COL27A1: variants seen among roughly 807,000 people sequenced by gnomAD.
COL27A1 encodes the protein collagen type XXVII alpha 1 chain, also known as collagen alpha-1(XXVII) chain.
A neutral mutation model predicts 251.3 loss-of-function variants in COL27A1; 106 were observed. That is an observed-to-expected ratio of 0.42 (90% CI 0.36 to 0.50). The LOEUF (loss-of-function observed/expected upper bound fraction) is 0.50, where lower values mean the gene tolerates loss of function less well. COL27A1 is among the 20% of genes least tolerant of loss of function. The pLI, the probability that COL27A1 is intolerant of heterozygous loss-of-function variation, is 0.00. For synonymous variants in COL27A1, 1,000 were observed against 986.3 expected, an observed-to-expected ratio of 1.01 and a Z score of -0.26; for missense variants, 2,325 against 2,522.8, an observed-to-expected ratio of 0.92 and a Z score of 1.68.
intron 16 of COL27A1, among the ~76,000 whole-genome samples, chr9:114,234,096 C>T (rs1317185765): frequency 6.6e-6 from 1 of 152,076 alleles, no homozygotes; most frequent in African/African-American, 2.4e-5. Flanking sequence ...AAAGCTCCTG[C>T]TCCGAGCCCA....
At chr9:114,252,490 C>T in intron 25 of COL27A1, 103 bp from the exon 26 acceptor site, 1 of 959,780 alleles carries the variant, frequency 1.0e-6, no homozygotes, top group Non-Finnish European at 1.7e-6. Context: ...TGAGCAAACC[C>T]CTACCTCTCT....
intron 49 of COL27A1, among the ~76,000 whole-genome samples, chr9:114,295,649 T>C (rs967871977): frequency 6.7e-6 from 1 of 149,916 alleles, no homozygotes; most frequent in Non-Finnish European, 1.5e-5. Flanking sequence ...GGACAACTGG[T>C]TTTTTTTTGT....
intron 37 of COL27A1, among the ~76,000 whole-genome samples, chr9:114,279,466 G>T (rs1026238978): frequency 6.6e-6 from 1 of 151,866 alleles, no homozygotes; most frequent in South Asian, 2.1e-4. Flanking sequence ...CGATAGAAAT[G>T]AAATACAAGC....
intron 52 of COL27A1, 30 bp downstream of exon 52, chr9:114,301,155 C>T (rs745427186): frequency 1.2e-5 from 19 of 1,612,946 alleles, no homozygotes; most frequent in East Asian, 8.9e-5. Context: ...AGGAAGACTC[C>T]GGGGTCCCCT....
intron 3 of COL27A1, among the ~76,000 whole-genome samples, chr9:114,171,442 A>G (rs185120509): frequency 2.5e-4 from 38 of 151,710 alleles, no homozygotes; most frequent in African/African-American, 8.0e-4. Flanking sequence ...CCTCAAAGGA[A>G]GGGCTCAACA....
chr9:114,309,219 G>A (rs1829278944), intron 59 of COL27A1, 41 bp from the exon 60 acceptor site: 1 of 1,574,834 alleles, frequency 6.3e-7, no homozygotes. Context: ...GGGGGGTGTG[G>A]GGGGCAGCCT....
Position 114,275,788 on chromosome 9 carries a change from G to T in COL27A1, c.3717+20G>T. On this transcript the variant is annotated intron_variant, in intron 37 of 60. Coordinates refer to ENST00000356083, the MANE Select transcript of COL27A1 (RefSeq NM_032888.4). ...GTCCGGGTGAGTGTGCAGGCCCCTT[G>T]CAGCGCCTGGAGCTCTGGGGTACCC... 6.7e-7 allele frequency: 1 copy of T among 1,488,984 alleles called. No individual in the cohort carries two copies. The highest frequency in any genetic ancestry group is 1.2e-5 in the South Asian group (1 of 81,990). The allele number at this position is 1,488,984 out of a possible 1,614,324, so 92.2% of individuals were successfully genotyped here.
chr9:114,169,541 T>C, intron 3 of COL27A1, 78 bp downstream of exon 3: 1 of 1,206,928 alleles, frequency 8.3e-7, no homozygotes, highest in Non-Finnish European at 1.1e-6. Context: ...TTGCCCCTAG[T>C]AAAGACAGGA....
intron 7 of COL27A1, among the ~76,000 whole-genome samples, chr9:114,198,357 CT>C (rs1384314923): frequency 2.0e-5 from 3 of 152,110 alleles, no homozygotes; most frequent in African/African-American, 7.2e-5. Context: ...ACAGAAAGGG[CT>C]ATGGAGAAAA....
At chr9:114,177,436 G>A (rs886241878) in intron 3 of COL27A1, among the ~76,000 whole-genome samples, 3 of 152,164 alleles carry the variant, frequency 2.0e-5, no homozygotes, top group Admixed American at 2.0e-4. Flanking sequence ...GGACTGCAGA[G>A]GGGAGGGAGG....
intron 3 of COL27A1, among the ~76,000 whole-genome samples, chr9:114,173,304 G>T (rs990185054): frequency 1.3e-5 from 2 of 152,252 alleles, no homozygotes; most frequent in Admixed American, 1.3e-4. Context: ...TCGGGAAGAC[G>T]CCGCTAAGGG....
chr9:114,283,632 G>A, intron 39 of COL27A1, 77 bp from the exon 40 acceptor site: 6 of 1,378,808 alleles, frequency 4.4e-6, no homozygotes, highest in Non-Finnish European at 6.2e-6. Flanking sequence ...GAGCGGGGCT[G>A]GAGCCTGCAG....
chr9:114,303,882 G>A (rs1028803376), intron 56 of COL27A1, among the ~76,000 whole-genome samples: 2 of 152,238 alleles, frequency 1.3e-5, no homozygotes, highest in Admixed American at 6.5e-5. Context: ...GAGAAAGGGG[G>A]CCTCCCTCAT....
chr9:114,259,995 TGG>T (rs56029388), intron 28 of COL27A1, among the ~76,000 whole-genome samples: 13 of 131,582 alleles, frequency 9.9e-5, no homozygotes, highest in Admixed American at 3.0e-4. Context: ...GTCCTCTGGG[TGG>T]GGGGGGGGTC....
At chr9:114,269,507 CGGG>C (rs1327140659) in intron 35 of COL27A1, among the ~76,000 whole-genome samples, 1 of 143,000 alleles carries the variant, frequency 7.0e-6, no homozygotes, top group African/African-American at 2.6e-5. Flanking sequence ...CCCAGCTACT[CGGG>C]GGGCTGAGGC....
intron 41 of COL27A1, among the ~76,000 whole-genome samples, chr9:114,286,030 C>T (rs1827457734): frequency 1.3e-5 from 2 of 152,222 alleles, no homozygotes; most frequent in African/African-American, 4.8e-5. Flanking sequence ...AGCCAGATGC[C>T]TTTTCTCACT....
intron 12 of COL27A1, chr9:114,218,255 G>A (rs10121745): frequency 0.012 from 2,074 of 166,580 alleles, 52 homozygotes; most frequent in African/African-American, 0.048. Context: ...ATGTGGGGGA[G>A]GAAGCTTGGG....
chr9:114,298,859 A>G (rs1311056547), intron 49 of COL27A1, among the ~76,000 whole-genome samples: 1 of 152,210 alleles, frequency 6.6e-6, no homozygotes, highest in Non-Finnish European at 1.5e-5. Context: ...AGTAGGGGAG[A>G]AAGTATTTAC....
intron 14 of COL27A1, among the ~76,000 whole-genome samples, chr9:114,225,398 A>G (rs1431411275): frequency 6.6e-6 from 1 of 152,062 alleles, no homozygotes; most frequent in Non-Finnish European, 1.5e-5. Flanking sequence ...GGCCACTTTC[A>G]GCCTCCTTCC....
Sources: gnomAD v4.1 joint callset for allele counts (sites outside exome capture counted in the v4.1 genomes callset) on GRCh38, gnomAD v4.1.1 for gene constraint, MANE v1.5 for transcripts, NCBI Gene and HGNC (gene_info 2026-07-23, HGNC 2026-07-21) for gene names.